Variants in WWOX observed in about 807,000 individuals in gnomAD.
WWOX encodes WW domain containing oxidoreductase.
In WWOX, 69 loss-of-function variants were observed where a neutral mutation model predicts 46.2. That is an observed-to-expected ratio of 1.49 (90% CI 1.23 to 1.82). The LOEUF is 1.82. Ranked by LOEUF, WWOX falls within the 40% of genes most tolerant of loss-of-function variation. WWOX has a pLI of 0.00. For synonymous variants in WWOX, 359 were observed against 202.6 expected (o/e 1.77, Z -6.56); for missense variants, 919 against 542.6 (o/e 1.69, Z -6.89).
rs143969450 is a variant in WWOX, at chr16:78,807,932, A to G, written c.1056+375180A>G. On this transcript the variant is annotated intron_variant, in intron 8 of 8. Coordinates refer to ENST00000566780, the MANE Select transcript of WWOX (RefSeq NM_016373.4). ...ACACATTGGACAGCACGGTTACAGAACGTTTTCATTTCATCGGACAGTTTA... is the reference window on the plus strand; with the variant it reads ...ACACATTGGACAGCACGGTTACAGAGCGTTTTCATTTCATCGGACAGTTTA... 6.6e-5 allele frequency among the ~76,000 whole-genome samples: 10 copies of G among 152,348 alleles called. No individual in the cohort carries two copies. In the East Asian group the frequency reaches 1.9e-3, roughly 29 times the overall value.
rs1455956923 is a variant in WWOX, at chr16:79,199,994, C to A, written c.1057-11614C>A. The stretch of plus-strand genomic sequence containing the variant: ...TGGGGGCAGAGAGTTCCAATTGCAA[C>A]TGGCTTGTTGTGAGACTGCCCCGGT... On this transcript the variant is annotated intron_variant, in intron 8 of 8. Transcript: ENST00000566780. Among the ~76,000 whole-genome samples the A allele has an allele frequency of 2.6e-5, 4 of 152,198 alleles. No homozygotes were observed. The South Asian group carries it at 6.2e-4, about 24-fold the overall frequency.
chr16:78,201,840 C>T (rs2036239543), intron 5 of WWOX, among the ~76,000 whole-genome samples: 1 of 152,008 alleles, frequency 6.6e-6, no homozygotes, highest in South Asian at 2.1e-4. Flanking sequence ...GCTGGGACTA[C>T]AGGCACGTGC....
chr16:78,757,665 A>G (rs895195032), intron 8 of WWOX, among the ~76,000 whole-genome samples: 4 of 151,882 alleles, frequency 2.6e-5, no homozygotes, highest in Non-Finnish European at 4.4e-5. Context: ...ATATAAATAC[A>G]TTATATTTAT....
chr16:78,633,262 A>T (rs1288751871), intron 8 of WWOX, among the ~76,000 whole-genome samples: 1 of 152,162 alleles, frequency 6.6e-6, no homozygotes, highest in Non-Finnish European at 1.5e-5. Flanking sequence ...ATTCCATCTC[A>T]AAACAAAACA....
intron 8 of WWOX, among the ~76,000 whole-genome samples, chr16:78,533,145 G>A (rs1257891464): frequency 6.6e-6 from 1 of 151,924 alleles, no homozygotes; most frequent in Non-Finnish European, 1.5e-5. Context: ...ACCAACCAAA[G>A]GTTGGAGCTC....
chr16:79,045,345 GC>G lies in WWOX; in HGVS notation c.1057-166262del, dbSNP rs112264260. On this transcript the variant is annotated intron_variant, in intron 8 of 8. Coordinates refer to ENST00000566780, the MANE Select transcript of WWOX (RefSeq NM_016373.4). ...GCAGGCTGGAGTTGCATTTTAATTG[GC>G]AAGGATCAGCCCAGTTGTCCAGCTT... 1.2e-4 allele frequency among the ~76,000 whole-genome samples: 19 copies of G among 152,248 alleles called. 1 individual carries two copies. The highest frequency in any genetic ancestry group is 3.9e-4 in the African/African-American group (16 of 41,546).
At chr16:78,250,064 TG>T (rs1333237682) in intron 5 of WWOX, among the ~76,000 whole-genome samples, 1 of 152,206 alleles carries the variant, frequency 6.6e-6, no homozygotes, top group South Asian at 2.1e-4. Flanking sequence ...GACCTGGCCT[TG>T]GGCAAGCCAC....
At chr16:78,664,577 C>G (rs937577194) in intron 8 of WWOX, among the ~76,000 whole-genome samples, 5 of 152,184 alleles carry the variant, frequency 3.3e-5, no homozygotes, top group African/African-American at 1.2e-4. Context: ...GAGTGAAGAG[C>G]TGGCAGTGTC....
chr16:78,578,704 A>G (rs1212893535), intron 8 of WWOX, among the ~76,000 whole-genome samples: 1 of 152,304 alleles, frequency 6.6e-6, no homozygotes, highest in Admixed American at 6.5e-5. Flanking sequence ...GCTATGGGTC[A>G]TTTGGAAAAA....
intron 6 of WWOX, among the ~76,000 whole-genome samples, chr16:78,388,021 G>A (rs572904825): frequency 1.1e-4 from 17 of 152,164 alleles, no homozygotes; most frequent in Non-Finnish European, 2.4e-4. Flanking sequence ...CCTGTGGGGA[G>A]CTGACACCAC....
intron 8 of WWOX, among the ~76,000 whole-genome samples, chr16:78,753,756 C>A (rs1250074234): frequency 7.7e-6 from 1 of 129,182 alleles, no homozygotes; most frequent in African/African-American, 3.0e-5. Context: ...GAGCAAAGAT[C>A]ACACCACTGC....
chr16:78,232,918 T>G (rs1420416449), intron 5 of WWOX, among the ~76,000 whole-genome samples: 1 of 152,118 alleles, frequency 6.6e-6, no homozygotes, highest in East Asian at 1.9e-4. Flanking sequence ...TTCGGCTAAC[T>G]GCAATCTCTG....
At chr16:78,597,300 C>G (rs559059204) in intron 8 of WWOX, among the ~76,000 whole-genome samples, 8 of 152,252 alleles carry the variant, frequency 5.3e-5, no homozygotes, top group Non-Finnish European at 8.8e-5. Flanking sequence ...TAAACGGATA[C>G]TATTAGCACC....
chr16:78,825,462 G>C (rs2051626260), intron 8 of WWOX: 2 of 419,670 alleles, frequency 4.8e-6, no homozygotes, highest in South Asian at 3.8e-5. Context: ...TTCCTGGTGA[G>C]AACAGCCAGG....
chr16:78,743,478 A>C (rs1338477737), intron 8 of WWOX, among the ~76,000 whole-genome samples: 2 of 115,286 alleles, frequency 1.7e-5, no homozygotes, highest in Non-Finnish European at 4.5e-5. Flanking sequence ...TTAGAAAAGT[A>C]AGTGAGGCAG....
rs1247830203 is a variant in WWOX at position 79,173,933 on chromosome 16, G to T, written c.1057-37675G>T. On this transcript the variant is annotated intron_variant, in intron 8 of 8. Coordinates refer to ENST00000566780, the MANE Select transcript of WWOX (RefSeq NM_016373.4). ...TTTTTCACTTTTCAAAGTGTTTAAT[G>T]TGTTGCACAGCCTTTAGAATTTGAA... 2.0e-5 allele frequency among the ~76,000 whole-genome samples: 3 copies of T among 152,302 alleles called. No individual in the cohort carries two copies. The East Asian group carries it at 5.8e-4, about 29-fold the overall frequency.
At chr16:78,526,696 G>T (rs909051822) in intron 8 of WWOX, among the ~76,000 whole-genome samples, 25 of 152,152 alleles carry the variant, frequency 1.6e-4, no homozygotes, top group African/African-American at 6.0e-4. Flanking sequence ...TGTCAAGACT[G>T]CAGCCTTTGC....
intron 8 of WWOX, among the ~76,000 whole-genome samples, chr16:78,812,170 T>G (rs1265490900): frequency 6.6e-6 from 1 of 151,680 alleles, no homozygotes. Flanking sequence ...AGGAACTAGG[T>G]GTCCTAACTT....
chr16:78,657,328 G>C (rs1337226915), intron 8 of WWOX, among the ~76,000 whole-genome samples: 2 of 152,146 alleles, frequency 1.3e-5, no homozygotes, highest in African/African-American at 4.8e-5. Context: ...AAGAAAATGA[G>C]GTGGGGGGAA....
Sources: gnomAD v4.1 joint callset for allele counts (sites outside exome capture counted in the v4.1 genomes callset) on GRCh38, gnomAD v4.1.1 for gene constraint, MANE v1.5 for transcripts, NCBI Gene and HGNC (gene_info 2026-07-23, HGNC 2026-07-21) for gene names.